UGGT1: variants seen among roughly 807,000 people sequenced by gnomAD.
The protein encoded by UGGT1 is UDP-glucose:glycoprotein glucosyltransferase 1.
Under a neutral mutation model 203.9 loss-of-function variants are expected in UGGT1, and 107 were observed. The ratio of observed to expected loss-of-function variants is 0.52; its 90% CI spans 0.45 to 0.62. The LOEUF is 0.62. Among genes scored for constraint, UGGT1 ranks in the 20% least tolerant of loss-of-function variants. The pLI, the probability that UGGT1 is intolerant of heterozygous loss-of-function variation, is 0.00. For synonymous variants in UGGT1, 628 were observed against 653.5 expected, an observed-to-expected ratio of 0.96 and a Z score of 0.59; for missense variants, 1,673 against 1,867.2, an observed-to-expected ratio of 0.90 and a Z score of 1.92.
At chr2:128,116,497 C>G (rs1423248002) in intron 8 of UGGT1, among the ~76,000 whole-genome samples, 154 bp downstream of exon 8, 2 of 151,958 alleles carry the variant, frequency 1.3e-5, no homozygotes, top group East Asian at 3.9e-4. Flanking sequence ...GAGTCAACCA[C>G]TTAGTTTATA....
At chr2:128,110,801 T>A (rs1437254446) in intron 5 of UGGT1, among the ~76,000 whole-genome samples, 1 of 152,214 alleles carries the variant, frequency 6.6e-6, no homozygotes, top group East Asian at 1.9e-4. Context: ...CCTCGTTATT[T>A]TTAACACATG....
intron 1 of UGGT1, among the ~76,000 whole-genome samples, chr2:128,094,059 C>T (rs1189479083): frequency 6.6e-6 from 1 of 152,140 alleles, no homozygotes; most frequent in Admixed American, 6.5e-5. Context: ...CAATTTCCTC[C>T]CCACTCTACA....
At position 128,104,091 on chromosome 2, in the gene UGGT1, T is replaced by C. The variant is rs148933997; in HGVS notation, c.277+77T>C. The C allele has an allele frequency of 1.7e-4, 194 of 1,114,558 alleles. No homozygotes were observed. The African/African-American group carries it at 2.1e-3, about 12-fold the overall frequency. The allele number at this position is 1,114,558 out of a possible 1,614,324, so 69.0% of individuals were successfully genotyped here. A position where few individuals can be genotyped will look rare whatever the true frequency, so the allele number is the denominator to read the frequency against. ...GAAAAAATTGTCTCTTTATAGTATG[T>C]GTGGCATGGCAGTTAATGGAAAACA... is the stretch of plus-strand genomic sequence containing the variant. On this transcript the variant is annotated intron_variant, in intron 3 of 40. Transcript: ENST00000259253.
At chr2:128,092,234 T>A (rs1409452018) in intron 1 of UGGT1, among the ~76,000 whole-genome samples, 1 of 40,736 alleles carries the variant, frequency 2.5e-5, no homozygotes, top group Non-Finnish European at 8.9e-5. Context: ...CCTTTTCACT[T>A]TGCTTTTTTT....
At chr2:128,120,218 T>G in intron 8 of UGGT1, 138 bp from the exon 9 acceptor site, 1 of 673,406 alleles carries the variant, frequency 1.5e-6, no homozygotes, top group Non-Finnish European at 2.5e-6. Flanking sequence ...ATAATTATAC[T>G]TCATTTTTTC....
Position 128,133,895 on chromosome 2 carries a change from T to C in UGGT1, c.1497+635T>C, listed in dbSNP as rs889931479. ...AGAGAGAGAGAGAGAGGGTTCTTCATTGGCCCACTTTTTCCCTCTCATTTC... is the reference window on the plus strand; with the variant it reads ...AGAGAGAGAGAGAGAGGGTTCTTCACTGGCCCACTTTTTCCCTCTCATTTC... On this transcript the variant is annotated intron_variant, in intron 14 of 40. Coordinates refer to ENST00000259253, the MANE Select transcript of UGGT1 (RefSeq NM_020120.4). Among the ~76,000 whole-genome samples the C allele has an allele frequency of 9.9e-5, 15 of 152,148 alleles. 1 individual carries two copies. Among genetic ancestry groups the C allele is most frequent in the African/African-American group, 3.4e-4 (14 of 41,434 alleles).
At chr2:128,165,744 C>G (rs1690756227) in intron 26 of UGGT1, among the ~76,000 whole-genome samples, 1 of 151,946 alleles carries the variant, frequency 6.6e-6, no homozygotes, top group African/African-American at 2.4e-5. Context: ...GTACTTGTCT[C>G]ATTCATCTTT....
chr2:128,173,694 G>T lies in UGGT1; in HGVS notation c.3295-87G>T, dbSNP rs932050577. Reference sequence around the variant, plus strand: ...ATCATATATTATGTAAGTCCTTTTTGTCTGCTTCCTTTACTTTGCATAATG... The same window carrying T: ...ATCATATATTATGTAAGTCCTTTTTTTCTGCTTCCTTTACTTTGCATAATG... On this transcript the variant is annotated intron_variant, in intron 29 of 40. Transcript: ENST00000259253. The T allele has an allele frequency of 1.0e-5, 15 of 1,439,300 alleles. No individual in the cohort carries two copies. The Admixed American group carries it at 1.5e-4, about 14-fold the overall frequency. 89.2% of individuals were successfully genotyped at this position (1,439,300 alleles called of 1,614,324 possible).
intron 2 of UGGT1, 28 bp downstream of exon 2, chr2:128,097,592 G>A (rs763942858): frequency 2.5e-6 from 4 of 1,611,782 alleles, no homozygotes; most frequent in Non-Finnish European, 2.5e-6. Flanking sequence ...TTCCCTTCGT[G>A]TATTTGAGTA....
At chr2:128,166,617 C>T in intron 26 of UGGT1, among the ~76,000 whole-genome samples, 1 of 151,742 alleles carries the variant, frequency 6.6e-6, no homozygotes. Context: ...CATTTTTTTT[C>T]CTAGTCTTTT....
intron 30 of UGGT1, 119 bp downstream of exon 30, chr2:128,174,058 G>C: frequency 8.1e-7 from 1 of 1,231,134 alleles, no homozygotes; most frequent in Non-Finnish European, 1.1e-6. Context: ...ATTATGGGCT[G>C]AATTTGGTCA....
At chr2:128,158,520 A>G (rs1360066854) in intron 22 of UGGT1, among the ~76,000 whole-genome samples, 1 of 152,238 alleles carries the variant, frequency 6.6e-6, no homozygotes, top group African/African-American at 2.4e-5. Context: ...AGATTTATTC[A>G]TGATGTTACA....
intron 22 of UGGT1, 56 bp downstream of exon 22, chr2:128,157,402 G>C: frequency 7.0e-7 from 1 of 1,427,514 alleles, no homozygotes; most frequent in Non-Finnish European, 9.8e-7. Flanking sequence ...TTGTCTTCAT[G>C]GGCTTCGCTG....
At chr2:128,146,059 A>C (rs979221987) in intron 18 of UGGT1, 92 bp downstream of exon 18, 2 of 1,480,408 alleles carry the variant, frequency 1.4e-6, no homozygotes, top group East Asian at 2.4e-5. Context: ...TCTTAGTATC[A>C]CTATTTGGGA....
At chr2:128,189,579 T>C in intron 40 of UGGT1, 138 bp from the exon 41 acceptor site, 2 of 903,410 alleles carry the variant, frequency 2.2e-6, no homozygotes. Flanking sequence ...AAAGCACAAA[T>C]CCCAAAGATT....
intron 19 of UGGT1, among the ~76,000 whole-genome samples, chr2:128,154,521 AC>A (rs1283299392): frequency 3.3e-5 from 5 of 152,012 alleles, no homozygotes; most frequent in Non-Finnish European, 5.9e-5. Context: ...CTGTCCTGGA[AC>A]CTTTTTAGTA....
At chr2:128,148,664 C>T (rs746175775) in intron 18 of UGGT1, among the ~76,000 whole-genome samples, 4 of 152,194 alleles carry the variant, frequency 2.6e-5, no homozygotes, top group Non-Finnish European at 5.9e-5. Context: ...TGGGCATTCA[C>T]GTACCCCTGG....
At chr2:128,100,500 A>G (rs1687329153) in intron 2 of UGGT1, among the ~76,000 whole-genome samples, 1 of 151,532 alleles carries the variant, frequency 6.6e-6, no homozygotes, top group Non-Finnish European at 1.5e-5. Context: ...TCTGCCTCCC[A>G]GGTTCAAGCG....
chr2:128,189,912 T>C lies in UGGT1; in HGVS notation c.*170T>C, dbSNP rs527407618. The C allele has an allele frequency of 3.1e-5, 20 of 649,836 alleles. No homozygotes were observed. Among genetic ancestry groups the C allele is most frequent in the Admixed American group, 2.5e-4 (9 of 35,820 alleles). The allele number at this position is 649,836 out of a possible 1,614,324, so 40.3% of individuals were successfully genotyped here. ...CTTCTGTACTCTGGTGGCCACTGGA[T>C]CTTTGGGATTAAAGCTCTGTTGGAT... On this transcript the variant is annotated 3_prime_UTR_variant, in exon 41 of 41. Coordinates refer to ENST00000259253, the MANE Select transcript of UGGT1 (RefSeq NM_020120.4).
Sources: gnomAD v4.1 joint callset for allele counts (sites outside exome capture counted in the v4.1 genomes callset) on GRCh38, gnomAD v4.1.1 for gene constraint, MANE v1.5 for transcripts, NCBI Gene and HGNC (gene_info 2026-07-23, HGNC 2026-07-21) for gene names.